The following GPATCH2 variants were observed in gnomAD, a reference collection of about 807,000 sequenced individuals.
The protein encoded by GPATCH2 is G patch domain-containing protein 2.
GPATCH2 carries 51 observed loss-of-function variants against 58.0 expected under a neutral mutation model. The ratio of observed to expected loss-of-function variants is 0.88; its 90% CI spans 0.70 to 1.11. GPATCH2 has a LOEUF of 1.11. GPATCH2 is among the 50% of genes most tolerant of loss of function. GPATCH2 has a pLI of 0.00. For missense variants in GPATCH2, 625 were observed against 652.2 expected (o/e 0.96, Z 0.45); for synonymous variants, 222 against 218.5 (o/e 1.02, Z -0.14).
At chr1:217,477,343 G>A (rs947251733) in intron 8 of GPATCH2, among the ~76,000 whole-genome samples, 5 of 152,108 alleles carry the variant, frequency 3.3e-5, no homozygotes, top group Non-Finnish European at 7.4e-5. Context: ...AAAAGCAGAG[G>A]GAAAAGTAAA....
intron 8 of GPATCH2, among the ~76,000 whole-genome samples, chr1:217,472,944 GC>G (rs1360346423): frequency 6.6e-6 from 1 of 152,102 alleles, no homozygotes; most frequent in Non-Finnish European, 1.5e-5. Context: ...CTTTAGCACA[GC>G]AAGTTCTTTC....
At chr1:217,506,000 T>C (rs1348031210) in intron 6 of GPATCH2, among the ~76,000 whole-genome samples, 1 of 152,172 alleles carries the variant, frequency 6.6e-6, no homozygotes, top group Admixed American at 6.5e-5. Flanking sequence ...TTTTGTATTT[T>C]TGTAGAGACA....
At position 217,580,131 on chromosome 1, in the gene GPATCH2, T is replaced by C. The variant is rs372042393; in HGVS notation, c.1098+30190A>G. On this transcript the variant is annotated intron_variant, in intron 5 of 9. Coordinates refer to ENST00000366935, the MANE Select transcript of GPATCH2 (RefSeq NM_018040.5). The stretch of plus-strand genomic sequence containing the variant: ...AATGTATTATACAAAAAAGTGAGAC[T>C]TCAACAGACAAGCACAAGAACTTAC... Among the ~76,000 whole-genome samples the C allele has an allele frequency of 9.2e-5, 14 of 152,294 alleles. No homozygotes were observed. In the East Asian group the frequency reaches 2.1e-3, roughly 23 times the overall value.
intron 5 of GPATCH2, among the ~76,000 whole-genome samples, chr1:217,517,192 T>C (rs574353625): frequency 1.3e-5 from 2 of 152,334 alleles, no homozygotes; most frequent in African/African-American, 4.8e-5. Context: ...TAATTTTACC[T>C]ATTTACCTAG....
In GPATCH2 at chr1:217,620,425, C is replaced by T. The variant is rs777784110; in HGVS notation, c.131G>A (p.Arg44Gln). The T allele has an allele frequency of 2.5e-6, 4 of 1,613,966 alleles. No homozygotes were observed. The highest frequency in any genetic ancestry group is 1.3e-5 in the African/African-American group (1 of 74,920). ...GTCTCCTGTTTCAGCAAATCCACCT[C>T]GAGCTTGCTCTGAGCTCTCTTCCAA... Reference protein sequence around the residue: ...SALEESSEQARGGFAETGDHS... With the variant: ...SALEESSEQAQGGFAETGDHS... The change falls in exon 2 of 10, where the codon CGA becomes CAA. Residue 44 changes from arginine to glutamine, a missense_variant. Coordinates refer to ENST00000366935, the MANE Select transcript of GPATCH2 (RefSeq NM_018040.5).
At chr1:217,460,130 A>G (rs886656092) in intron 8 of GPATCH2, among the ~76,000 whole-genome samples, 10 of 152,158 alleles carry the variant, frequency 6.6e-5, no homozygotes, top group African/African-American at 2.4e-4. Flanking sequence ...TATGCCAGTA[A>G]TTTTTACATA....
At chr1:217,489,262 C>G (rs185694928) in intron 8 of GPATCH2, among the ~76,000 whole-genome samples, 1 of 151,900 alleles carries the variant, frequency 6.6e-6, no homozygotes, top group Non-Finnish European at 1.5e-5. Context: ...GATTATTTGA[C>G]GGGGGCAATA....
intron 4 of GPATCH2, among the ~76,000 whole-genome samples, 188 bp downstream of exon 4, chr1:217,610,701 A>G (rs1031947453): frequency 6.6e-6 from 1 of 152,340 alleles, no homozygotes; most frequent in Admixed American, 6.5e-5. Context: ...CTAGCAAGAA[A>G]GCAAGTCAAT....
chr1:217,478,352 T>C (rs987321882), intron 8 of GPATCH2, among the ~76,000 whole-genome samples: 1 of 151,868 alleles, frequency 6.6e-6, no homozygotes, highest in Non-Finnish European at 1.5e-5. Context: ...GAACTCAAAA[T>C]ACCTATTTTG....
intron 1 of GPATCH2, among the ~76,000 whole-genome samples, chr1:217,625,455 A>G (rs879342705): frequency 6.6e-6 from 1 of 152,214 alleles, no homozygotes; most frequent in Non-Finnish European, 1.5e-5. Flanking sequence ...GGGAATAGCA[A>G]GAGTGAAGAA....
At chr1:217,516,276 TG>T (rs1161981744) in intron 5 of GPATCH2, among the ~76,000 whole-genome samples, 6 of 151,984 alleles carry the variant, frequency 3.9e-5, no homozygotes, top group African/African-American at 7.2e-5. Flanking sequence ...TTATATAGAA[TG>T]GGGGGAAAAG....
At chr1:217,625,800 T>C (rs896325855) in intron 1 of GPATCH2, among the ~76,000 whole-genome samples, 7 of 152,102 alleles carry the variant, frequency 4.6e-5, no homozygotes, top group African/African-American at 1.7e-4. Flanking sequence ...CTGGCCAACA[T>C]GGCGAAACTC....
intron 9 of GPATCH2, among the ~76,000 whole-genome samples, chr1:217,444,140 G>C (rs535713481): frequency 2.7e-4 from 41 of 152,310 alleles, no homozygotes; most frequent in African/African-American, 9.6e-4. Flanking sequence ...CAAATCTTCA[G>C]AGAGTTTTCT....
chr1:217,443,041 A>T (rs1166487162), intron 9 of GPATCH2, among the ~76,000 whole-genome samples: 3 of 152,140 alleles, frequency 2.0e-5, no homozygotes, highest in Admixed American at 6.6e-5. Context: ...CACATTTTAC[A>T]TATTATTGTC....
At chr1:217,479,220 C>G (rs922886885) in intron 8 of GPATCH2, among the ~76,000 whole-genome samples, 1 of 151,950 alleles carries the variant, frequency 6.6e-6, no homozygotes, top group Non-Finnish European at 1.5e-5. Flanking sequence ...AGTAAGTACA[C>G]AGAAAAACAC....
chr1:217,470,489 G>A (rs890263330), intron 8 of GPATCH2, among the ~76,000 whole-genome samples: 2 of 151,546 alleles, frequency 1.3e-5, no homozygotes, highest in Admixed American at 6.6e-5. Context: ...TTTCTGTGTG[G>A]GCTTTTCATA....
intron 5 of GPATCH2, among the ~76,000 whole-genome samples, chr1:217,537,065 T>TA (rs1253383123): frequency 2.0e-5 from 3 of 152,184 alleles, no homozygotes; most frequent in Admixed American, 6.5e-5. Context: ...TTGAATCTGT[T>TA]AAAAAAATTC....
intron 5 of GPATCH2, among the ~76,000 whole-genome samples, chr1:217,540,820 C>T (rs1664700301): frequency 6.6e-6 from 1 of 152,192 alleles, no homozygotes. Flanking sequence ...ATAACAGCTT[C>T]CAAGGTGGCA....
At chr1:217,538,571 T>A (rs577648965) in intron 5 of GPATCH2, among the ~76,000 whole-genome samples, 11 of 152,296 alleles carry the variant, frequency 7.2e-5, no homozygotes, top group African/African-American at 2.4e-4. Context: ...CTCTTGCAAA[T>A]ATCAAGGGTC....
Sources: allele counts gnomAD v4.1 joint callset (sites outside exome capture counted in the v4.1 genomes callset), GRCh38; gene constraint gnomAD v4.1.1; transcripts MANE v1.5; gene names NCBI Gene and HGNC (gene_info 2026-07-23, HGNC 2026-07-21).